Variants in RELN observed in about 807,000 individuals in gnomAD.
RELN encodes reelin.
RELN carries 108 observed loss-of-function variants against 427.6 expected under a neutral mutation model. The observed-to-expected ratio is 0.25, with a 90% CI of 0.22 to 0.30. The LOEUF is 0.30. RELN is among the 10% of genes least tolerant of loss of function. RELN has a pLI of 1.00. For synonymous variants in RELN, 1,524 were observed against 1,513.4 expected (o/e 1.01, Z -0.16); for missense variants, 3,715 against 4,302.8 (o/e 0.86, Z 3.82).
intron 3 of RELN, among the ~76,000 whole-genome samples, chr7:103,798,004 T>C (rs553998143): frequency 8.5e-4 from 130 of 152,318 alleles, no homozygotes; most frequent in African/African-American, 3.0e-3. Context: ...GGATTCTACA[T>C]GCACTGTGAT....
intron 12 of RELN, among the ~76,000 whole-genome samples, chr7:103,659,817 T>A (rs1013295036): frequency 2.0e-5 from 3 of 152,214 alleles, no homozygotes; most frequent in Non-Finnish European, 4.4e-5. Flanking sequence ...TTAACTCATT[T>A]GACCAGCAAC....
intron 6 of RELN, among the ~76,000 whole-genome samples, chr7:103,739,076 A>G (rs1267040966): frequency 6.6e-6 from 1 of 152,188 alleles, no homozygotes; most frequent in Non-Finnish European, 1.5e-5. Flanking sequence ...TGTTAATAGT[A>G]TTCAATTGTG....
intron 16 of RELN, among the ~76,000 whole-genome samples, chr7:103,642,880 A>G (rs1428432506): frequency 6.6e-6 from 1 of 152,106 alleles, no homozygotes; most frequent in African/African-American, 2.4e-5. Flanking sequence ...GAACAGGTGC[A>G]ATACTTAAAA....
At chr7:103,528,602 C>T (rs1336326130) in intron 46 of RELN, among the ~76,000 whole-genome samples, 1 of 151,992 alleles carries the variant, frequency 6.6e-6, no homozygotes, top group East Asian at 1.9e-4. Context: ...GATCTCAGCT[C>T]ACTGCAATCT....
At chr7:103,593,146 C>T (rs1296504319) in intron 27 of RELN, among the ~76,000 whole-genome samples, 1 of 152,096 alleles carries the variant, frequency 6.6e-6, no homozygotes, top group Non-Finnish European at 1.5e-5. Context: ...GATTAGGGTT[C>T]TGAAACAAGA....
chr7:103,738,672 C>CTTTTTTTTTT (rs57390524), intron 6 of RELN, among the ~76,000 whole-genome samples: 1 of 70,466 alleles, frequency 1.4e-5, no homozygotes, highest in Non-Finnish European at 2.5e-5. Flanking sequence ...TCCTTCCTTC[C>CTTTTTTTTTT]TTTTTTTTTT....
intron 10 of RELN, among the ~76,000 whole-genome samples, chr7:103,689,138 G>C (rs1417766444): frequency 6.6e-6 from 1 of 151,992 alleles, no homozygotes; most frequent in East Asian, 1.9e-4. Flanking sequence ...CTATTCTAAA[G>C]GAGAAACAGA....
intron 16 of RELN, among the ~76,000 whole-genome samples, chr7:103,648,974 T>C (rs543302339): frequency 5.3e-5 from 8 of 152,118 alleles, no homozygotes; most frequent in African/African-American, 1.9e-4. Context: ...AGGAAACTCT[T>C]AGACACTTTT....
Position 103,944,538 on chromosome 7 carries a change from T to C in RELN, c.227-27353A>G, listed in dbSNP as rs1796181204. Among the ~76,000 whole-genome samples the C allele has an allele frequency of 2.0e-5, 3 of 152,200 alleles. No homozygotes were observed. In the South Asian group the frequency reaches 6.2e-4, roughly 32 times the overall value. On this transcript the variant is annotated intron_variant, in intron 1 of 64. Transcript: ENST00000428762. ...AAGGAGCCCTCTGACTTCTTCCTTT[T>C]GATGGTGTTATTCTGGGCTGAGAAG...
intron 2 of RELN, among the ~76,000 whole-genome samples, chr7:103,875,481 T>C (rs888800455): frequency 6.6e-6 from 1 of 152,088 alleles, no homozygotes. Context: ...ATTCCAAACA[T>C]CTTAACAGAC....
chr7:103,628,058 G>A (rs1832366647), intron 20 of RELN: 1 of 152,054 alleles, frequency 6.6e-6, no homozygotes. Flanking sequence ...GAAGTGTTAG[G>A]AAAAAACTCT....
At chr7:103,593,180 A>G (rs1831459788) in intron 27 of RELN, among the ~76,000 whole-genome samples, 1 of 152,210 alleles carries the variant, frequency 6.6e-6, no homozygotes, top group Non-Finnish European at 1.5e-5. Context: ...AATACTTGCT[A>G]TACATGTTGA....
At chr7:103,868,637 T>C (rs183777845) in intron 2 of RELN, among the ~76,000 whole-genome samples, 2 of 152,212 alleles carry the variant, frequency 1.3e-5, no homozygotes, top group Non-Finnish European at 2.9e-5. Context: ...CCCGGTATGC[T>C]ATGGAACTCA....
intron 4 of RELN, among the ~76,000 whole-genome samples, chr7:103,756,157 T>G (rs579030): frequency 2.0e-5 from 3 of 151,984 alleles, no homozygotes; most frequent in Non-Finnish European, 2.9e-5. Flanking sequence ...TATAAAATGC[T>G]TTACTTTAAA....
intron 4 of RELN, among the ~76,000 whole-genome samples, chr7:103,772,643 C>T (rs1791598213): frequency 6.6e-6 from 1 of 152,152 alleles, no homozygotes; most frequent in East Asian, 1.9e-4. Context: ...CAGGGTCTGA[C>T]AGCCCGAGTT....
chr7:103,552,064 A>C (rs1239746829), intron 40 of RELN, among the ~76,000 whole-genome samples: 1 of 152,000 alleles, frequency 6.6e-6, no homozygotes, highest in Non-Finnish European at 1.5e-5. Flanking sequence ...CTCATCCTTC[A>C]TAACTGCAAG....
At chr7:103,935,050 G>T (rs1206395952) in intron 1 of RELN, among the ~76,000 whole-genome samples, 1 of 152,188 alleles carries the variant, frequency 6.6e-6, no homozygotes, top group Non-Finnish European at 1.5e-5. Context: ...TTTAGCACAA[G>T]ACCTGGAACC....
At chr7:103,527,693 C>A (rs1829853092) in intron 46 of RELN, among the ~76,000 whole-genome samples, 1 of 152,222 alleles carries the variant, frequency 6.6e-6, no homozygotes, top group Non-Finnish European at 1.5e-5. Context: ...CCTTGCAAGC[C>A]AAGACCCTTC....
intron 64 of RELN, among the ~76,000 whole-genome samples, chr7:103,477,920 TG>T: frequency 6.6e-6 from 1 of 152,350 alleles, no homozygotes; most frequent in Middle Eastern, 3.4e-3. Flanking sequence ...AGAGGAGAAT[TG>T]GTAAGTCAAG....
Sources: gnomAD v4.1 joint callset for allele counts (sites outside exome capture counted in the v4.1 genomes callset) on GRCh38, gnomAD v4.1.1 for gene constraint, MANE v1.5 for transcripts, NCBI Gene and HGNC (gene_info 2026-07-23, HGNC 2026-07-21) for gene names.